NOTCH2NLB: variants seen among roughly 807,000 people sequenced by gnomAD.
NOTCH2NLB encodes the protein notch 2 N-terminal like B.
NOTCH2NLB carries 1 observed loss-of-function variant against 14.8 expected under a neutral mutation model. The ratio of observed to expected loss-of-function variants is 0.07; its 90% CI spans 0.02 to 0.32. NOTCH2NLB has a LOEUF of 0.32. Among genes scored for constraint, NOTCH2NLB ranks in the 10% least tolerant of loss-of-function variants. The pLI, the probability that NOTCH2NLB is intolerant of heterozygous loss-of-function variation, is 1.00. For synonymous variants in NOTCH2NLB, 6 were observed against 57.5 expected (o/e 0.10, Z 4.05); for missense variants, 11 against 155.0 (o/e 0.07, Z 4.93).
intron 1 of NOTCH2NLB, among the ~76,000 whole-genome samples, chr1:148,661,081 T>C (rs1196704891): frequency 6.8e-6 from 1 of 146,372 alleles, no homozygotes; most frequent in Non-Finnish European, 1.5e-5. Context: ...AAAGAAATAG[T>C]TGAGCCATTA....
chr1:148,608,574 G>T (rs1300700579), intron 3 of NOTCH2NLB, among the ~76,000 whole-genome samples: 1 of 151,812 alleles, frequency 6.6e-6, no homozygotes, highest in Non-Finnish European at 1.5e-5. Flanking sequence ...CACTGGCAGG[G>T]TTGGGTCTCC....
downstream of NOTCH2NLB, among the ~76,000 whole-genome samples, chr1:148,602,274 A>AAG (rs1663390905): frequency 1.4e-5 from 1 of 70,214 alleles, no homozygotes; most frequent in African/African-American, 9.9e-5. Context: ...AAAAAAAAAA[A>AAG]AAAAAAGAAA....
the NOTCH2NLB span, among the ~76,000 whole-genome samples, chr1:148,703,567 TTC>T: frequency 2.2e-4 from 3 of 13,752 alleles, no homozygotes; most frequent in Non-Finnish European, 4.7e-4. Flanking sequence ...AAGCAATTGG[TTC>T]TCTATGGCTG....
chr1:148,705,940 TTC>T, the NOTCH2NLB span, among the ~76,000 whole-genome samples: 1 of 4,522 alleles, frequency 2.2e-4, no homozygotes, highest in Admixed American at 3.5e-3. Context: ...CAACAGAAAG[TTC>T]TTTTTTTTTT....
chr1:148,638,448 A>C (rs1265361522), intron 2 of NOTCH2NLB, among the ~76,000 whole-genome samples: 1 of 149,036 alleles, frequency 6.7e-6, no homozygotes, highest in African/African-American at 2.5e-5. Context: ...CTAAGGCACC[A>C]AATGCCACAA....
At chr1:148,693,154 G>A in the NOTCH2NLB span, among the ~76,000 whole-genome samples, 1 of 140,694 alleles carries the variant, frequency 7.1e-6, no homozygotes, top group Non-Finnish European at 1.5e-5. Flanking sequence ...TGCACATTCT[G>A]ATTGTTGTGG....
At chr1:148,637,796 T>C (rs1344560610) in intron 2 of NOTCH2NLB, among the ~76,000 whole-genome samples, 3 of 135,646 alleles carry the variant, frequency 2.2e-5, no homozygotes, top group African/African-American at 5.7e-5. Context: ...CCTGTGTCCA[T>C]GTGTTCTCAT....
chr1:148,661,596 A>G (rs1664687622), intron 1 of NOTCH2NLB, among the ~76,000 whole-genome samples: 1 of 150,066 alleles, frequency 6.7e-6, no homozygotes, highest in Admixed American at 6.7e-5. Context: ...CTTCTATCAA[A>G]GCTCTTCTCA....
downstream of NOTCH2NLB, among the ~76,000 whole-genome samples, chr1:148,604,950 T>TAC (rs1186780760): frequency 0.056 from 7,082 of 126,252 alleles, 298 homozygotes; most frequent in Admixed American, 0.1. Context: ...CAACGCCATA[T>TAC]ACACACACAC....
chr1:148,634,206 AAACTG>A (rs1664171375), intron 2 of NOTCH2NLB, among the ~76,000 whole-genome samples: 1 of 140,900 alleles, frequency 7.1e-6, no homozygotes, highest in African/African-American at 2.6e-5. Flanking sequence ...GAACTATGGA[AAACTG>A]GCCAAGCTTC....
At chr1:148,670,539 A>AATATATATATATACATATATATAT (rs1664749978) in intron 1 of NOTCH2NLB, among the ~76,000 whole-genome samples, 1 of 93,482 alleles carries the variant, frequency 1.1e-5, no homozygotes, top group Admixed American at 1.0e-4. Context: ...TAAAAAAAAA[A>AATATATATATATACATATATATAT]ATATATATAT....
intron 3 of NOTCH2NLB, among the ~76,000 whole-genome samples, chr1:148,614,948 A>G (rs1432231828): frequency 0.051 from 931 of 18,144 alleles, 3 homozygotes; most frequent in African/African-American, 0.11. Flanking sequence ...CAAACATTTA[A>G]TGGATAAGAA....
the NOTCH2NLB span, among the ~76,000 whole-genome samples, chr1:148,691,887 T>G: frequency 1.0e-5 from 1 of 95,908 alleles, no homozygotes; most frequent in East Asian, 4.3e-4. Context: ...TATGACACAC[T>G]GGCTCCCCTT....
In NOTCH2NLB at chr1:148,651,179, A is replaced by G. The variant is rs1308662792; in HGVS notation, c.4-11090T>C. Reference sequence around the variant, plus strand: ...AAAAAAAAAATATATATATATATATATATATATATATATATTCCTGAACTT... The same window carrying G: ...AAAAAAAAAATATATATATATATATGTATATATATATATATTCCTGAACTT... On this transcript the variant is annotated intron_variant, in intron 1 of 4. Coordinates refer to ENST00000593495, the Ensembl canonical transcript of NOTCH2NLB. Among the ~76,000 whole-genome samples the G allele has an allele frequency of 1.3e-4, 17 of 131,676 alleles. 1 individual carries two copies. Among genetic ancestry groups the G allele is most frequent in the African/African-American group, 4.4e-4 (16 of 36,046 alleles). The allele number at this position is 131,676 out of a possible 152,430, so 86.4% of individuals were successfully genotyped here.
chr1:148,670,023 CAT>C (rs1664724501), intron 1 of NOTCH2NLB, among the ~76,000 whole-genome samples: 1 of 56,856 alleles, frequency 1.8e-5, no homozygotes, highest in Non-Finnish European at 3.9e-5. Flanking sequence ...ATTTCCTAGA[CAT>C]ATACAGCTGA....
intron 1 of NOTCH2NLB, among the ~76,000 whole-genome samples, chr1:148,643,661 AC>A (rs1210164689): frequency 3.3e-5 from 1 of 30,356 alleles, no homozygotes; most frequent in African/African-American, 3.4e-4. Flanking sequence ...GAAATAAGGC[AC>A]AGGAAGACAA....
At chr1:148,631,162 C>T (rs1664097576) in intron 2 of NOTCH2NLB, among the ~76,000 whole-genome samples, 1 of 138,130 alleles carries the variant, frequency 7.2e-6, no homozygotes, top group South Asian at 2.3e-4. Context: ...TACATAAATC[C>T]TAATCAGATT....
At chr1:148,647,785 C>CA (rs1319524984) in intron 1 of NOTCH2NLB, among the ~76,000 whole-genome samples, 3 of 26,256 alleles carry the variant, frequency 1.1e-4, no homozygotes, top group Non-Finnish European at 1.7e-4. Context: ...AAAAAAAAAC[C>CA]AAAAAAAAGC....
intron 2 of NOTCH2NLB, among the ~76,000 whole-genome samples, chr1:148,637,592 G>C (rs1664236556): frequency 6.8e-6 from 1 of 147,982 alleles, no homozygotes; most frequent in Non-Finnish European, 1.5e-5. Flanking sequence ...TTTAAATTTT[G>C]CTTTTAAGTT....
Sources: gnomAD v4.1 joint callset for allele counts (sites outside exome capture counted in the v4.1 genomes callset) on GRCh38, gnomAD v4.1.1 for gene constraint, MANE v1.5 for transcripts, NCBI Gene and HGNC (gene_info 2026-07-23, HGNC 2026-07-21) for gene names.